Variants in TBCK observed in about 807,000 individuals in gnomAD.
TBCK encodes the protein TBC1 domain containing kinase.
In TBCK, 99 loss-of-function variants were observed where a neutral mutation model predicts 113.4. The ratio of observed to expected loss-of-function variants is 0.87; its 90% confidence interval spans 0.74 to 1.03. The LOEUF (loss-of-function observed/expected upper bound fraction) is 1.03. Among genes scored for constraint, TBCK ranks in the 50% least tolerant of loss-of-function variants. The probability of loss-of-function intolerance (pLI) is 0.00; values close to 1 mark genes in which losing one functional copy is unlikely to be tolerated. For synonymous variants in TBCK, 369 were observed against 370.8 expected (o/e 1.00, Z 0.05); for missense variants, 1,045 against 1,061.3 (o/e 0.98, Z 0.21).
intron 23 of TBCK, among the ~76,000 whole-genome samples, chr4:106,127,646 T>C (rs1384305188): frequency 6.6e-6 from 1 of 151,898 alleles, no homozygotes; most frequent in African/African-American, 2.4e-5. Flanking sequence ...TCAACTGGGG[T>C]GTGTTCATGT....
chr4:106,091,856 T>A (rs775096200), intron 25 of TBCK, among the ~76,000 whole-genome samples: 13 of 152,180 alleles, frequency 8.5e-5, no homozygotes, highest in Admixed American at 2.6e-4. Flanking sequence ...CCCAACCACA[T>A]CCTGCTGATT....
chr4:106,171,389 G>GA lies in TBCK; in HGVS notation c.2060-120dup, dbSNP rs1750992928. The GA allele has an allele frequency of 2.5e-5, 17 of 693,544 alleles. 1 individual carries two copies. The South Asian group carries it at 3.5e-4, about 14-fold the overall frequency. The allele number at this position is 693,544 out of a possible 1,614,324, so 43.0% of individuals were successfully genotyped here. A position where few individuals can be genotyped will look rare whatever the true frequency, so the allele number is the denominator to read the frequency against. ...ATATGGCTAAGATGATAAGTTATTA[G>GA]AAAAAATGTCAGTAAAAAAAACAAT... On this transcript the variant is annotated intron_variant, in intron 22 of 25. Coordinates refer to ENST00000394708, the MANE Select transcript of TBCK (RefSeq NM_001163435.3).
chr4:106,265,789 C>T (rs569692626), intron 3 of TBCK, among the ~76,000 whole-genome samples: 6 of 151,768 alleles, frequency 4.0e-5, no homozygotes, highest in African/African-American at 1.4e-4. Flanking sequence ...CTGTTTTTCT[C>T]GAACTATTTT....
chr4:106,177,554 C>T lies in TBCK; in HGVS notation c.2060-6284G>A, dbSNP rs186180215. Among the ~76,000 whole-genome samples, 43 of 152,036 alleles carry T rather than the reference C, an allele frequency of 2.8e-4. No individual in the cohort carries two copies. The East Asian group carries it at 7.4e-3, about 26-fold the overall frequency. On this transcript the variant is annotated intron_variant, in intron 22 of 25. Transcript: ENST00000394708. ...TTTCATTAGTCTGCATATGGAGATA[C>T]AGTTTTCCCAGCACCATTTATTAAA...
intron 23 of TBCK, among the ~76,000 whole-genome samples, chr4:106,123,327 A>T (rs1424447046): frequency 6.6e-6 from 1 of 152,234 alleles, no homozygotes; most frequent in Non-Finnish European, 1.5e-5. Context: ...CATGTGAAGG[A>T]CCTCTTCAAG....
At chr4:106,119,546 A>T (rs1271213780) in intron 23 of TBCK, among the ~76,000 whole-genome samples, 1 of 152,212 alleles carries the variant, frequency 6.6e-6, no homozygotes, top group Non-Finnish European at 1.5e-5. Flanking sequence ...ATAAGACCTG[A>T]AACTATAAAG....
chr4:106,208,471 T>A (rs1464670873), intron 20 of TBCK, among the ~76,000 whole-genome samples: 1 of 151,218 alleles, frequency 6.6e-6, no homozygotes, highest in African/African-American at 2.4e-5. Context: ...TACACTCCCA[T>A]TCTGAGCATA....
chr4:106,207,481 A>G (rs553413305), intron 20 of TBCK, among the ~76,000 whole-genome samples: 1 of 152,322 alleles, frequency 6.6e-6, no homozygotes, highest in African/African-American at 2.4e-5. Flanking sequence ...TTACCTCAAT[A>G]ATTAAAGGTA....
At chr4:106,233,915 T>G (rs1212858894) in intron 15 of TBCK, among the ~76,000 whole-genome samples, 2 of 152,098 alleles carry the variant, frequency 1.3e-5, no homozygotes, top group Non-Finnish European at 2.9e-5. Context: ...ATGTCATGGA[T>G]TAATTACTTA....
At chr4:106,060,368 A>G (rs937344573) in intron 25 of TBCK, among the ~76,000 whole-genome samples, 2 of 151,654 alleles carry the variant, frequency 1.3e-5, no homozygotes, top group Admixed American at 1.3e-4. Flanking sequence ...TGAAGCTAAT[A>G]CTCACTGACC....
At chr4:106,170,654 C>T (rs55643705) in intron 23 of TBCK, among the ~76,000 whole-genome samples, 2,772 of 152,028 alleles carry the variant, frequency 0.018, 79 homozygotes, top group African/African-American at 0.061. Flanking sequence ...GCTTTGTTGA[C>T]CATATTTATA....
intron 5 of TBCK, among the ~76,000 whole-genome samples, chr4:106,256,759 C>G (rs1369538725): frequency 6.6e-6 from 1 of 152,182 alleles, no homozygotes; most frequent in Non-Finnish European, 1.5e-5. Flanking sequence ...CAGCCGGCAT[C>G]ATGGTAGTGG....
At chr4:106,092,476 C>T (rs1463564262) in intron 25 of TBCK, among the ~76,000 whole-genome samples, 5 of 152,182 alleles carry the variant, frequency 3.3e-5, no homozygotes, top group Admixed American at 3.3e-4. Context: ...AGTCTTGGGC[C>T]GGGCAGGAGC....
intron 22 of TBCK, among the ~76,000 whole-genome samples, chr4:106,177,963 A>G (rs1033506746): frequency 6.6e-6 from 1 of 152,014 alleles, no homozygotes; most frequent in African/African-American, 2.4e-5. Context: ...CTATAAGCAC[A>G]TGATATCTTT....
chr4:106,164,038 T>C (rs937553379), intron 23 of TBCK, among the ~76,000 whole-genome samples: 1 of 152,120 alleles, frequency 6.6e-6, no homozygotes, highest in Admixed American at 6.6e-5. Flanking sequence ...TATACATTAC[T>C]ATGGAAAAAC....
At position 106,135,717 on chromosome 4, in the gene TBCK, C is replaced by T. The variant is rs566028367; in HGVS notation, c.2236-19339G>A. On this transcript the variant is annotated intron_variant, in intron 23 of 25. Coordinates refer to ENST00000394708, the MANE Select transcript of TBCK (RefSeq NM_001163435.3). ...CTGAATACCTATTAGGTACCACTCA[C>T]GGTACTTGGGATATTTCAATTAACA... Among the ~76,000 whole-genome samples the T allele has an allele frequency of 4.2e-5, 6 of 141,618 alleles. 1 individual carries two copies. The highest frequency in any genetic ancestry group is 2.4e-4 in the South Asian group (1 of 4,164). The allele number at this position is 141,618 out of a possible 152,430, so 92.9% of individuals were successfully genotyped here. A position where few individuals can be genotyped will look rare whatever the true frequency, so the allele number is the denominator to read the frequency against.
chr4:106,215,170 G>T (rs1756717946), intron 19 of TBCK, among the ~76,000 whole-genome samples: 1 of 151,860 alleles, frequency 6.6e-6, no homozygotes, highest in Non-Finnish European at 1.5e-5. Context: ...AATGCTGAGA[G>T]ATTTTGTCAC....
intron 3 of TBCK, among the ~76,000 whole-genome samples, chr4:106,265,001 G>C (rs1047598447): frequency 2.6e-5 from 4 of 151,846 alleles, no homozygotes; most frequent in Admixed American, 2.6e-4. Flanking sequence ...TCCCTGGGAA[G>C]TTTTGAGGAT....
chr4:106,154,019 C>T (rs2149688584), intron 23 of TBCK, among the ~76,000 whole-genome samples: 1 of 152,050 alleles, frequency 6.6e-6, no homozygotes, highest in East Asian at 1.9e-4. Context: ...TCCATTCAAC[C>T]ATTCTATATC....
Sources: gnomAD v4.1 joint callset for allele counts (sites outside exome capture counted in the v4.1 genomes callset) on GRCh38, gnomAD v4.1.1 for gene constraint, MANE v1.5 for transcripts, NCBI Gene and HGNC (gene_info 2026-07-23, HGNC 2026-07-21) for gene names.